WDR70: variants seen among roughly 807,000 people sequenced by gnomAD.
The protein encoded by WDR70 is WD repeat-containing protein 70.
WDR70 carries 53 observed loss-of-function variants against 88.6 expected under a neutral mutation model. The observed-to-expected ratio is 0.60, with a 90% CI of 0.48 to 0.75. WDR70 has a LOEUF of 0.75. Ranked by LOEUF, WDR70 falls within the 30% of genes least tolerant of loss-of-function variation. The probability of loss-of-function intolerance (pLI) is 0.00; values close to 1 mark genes in which losing one functional copy is unlikely to be tolerated. For missense variants in WDR70, 610 were observed against 823.2 expected (o/e 0.74, Z 3.17); for synonymous variants, 280 against 270.0 (o/e 1.04, Z -0.36).
At chr5:37,415,073 A>G (rs868428023) in intron 5 of WDR70, among the ~76,000 whole-genome samples, 3 of 150,690 alleles carry the variant, frequency 2.0e-5, no homozygotes, top group East Asian at 1.9e-4. Context: ...GACACAGCAC[A>G]TGTTTCAGAG....
At chr5:37,687,954 G>T in intron 10 of WDR70, 2 of 691,354 alleles carry the variant, frequency 2.9e-6, no homozygotes, top group Non-Finnish European at 2.6e-6. Context: ...GCATGCTCTG[G>T]GCTCACACTG....
intron 10 of WDR70, among the ~76,000 whole-genome samples, chr5:37,655,710 TC>T (rs949743215): frequency 6.6e-6 from 1 of 151,886 alleles, no homozygotes; most frequent in East Asian, 1.9e-4. Context: ...TGATATCCTT[TC>T]TTCTGCTTGA....
chr5:37,622,595 C>A (rs775146914), intron 10 of WDR70, among the ~76,000 whole-genome samples: 4 of 152,176 alleles, frequency 2.6e-5, no homozygotes, highest in Non-Finnish European at 5.9e-5. Context: ...TTTGTAGGGA[C>A]ATGGATGAAG....
chr5:37,655,408 G>A lies in WDR70; in HGVS notation c.1093-42247G>A, dbSNP rs370911532. Among the ~76,000 whole-genome samples, 53 of 152,076 alleles carry A rather than the reference G, an allele frequency of 3.5e-4. 2 individuals carry two copies. In the South Asian group the frequency reaches 9.4e-3, roughly 27 times the overall value. On this transcript the variant is annotated intron_variant, in intron 10 of 17. Transcript: ENST00000265107. ...TCATTTCAACCTTGGTGAATCTAAC[G>A]ATTATGTGTGTTGGGGTTGCTCTTC...
rs75476023 is a variant in WDR70 at position 37,707,068 on chromosome 5, G to A, written c.1416+3981G>A. On this transcript the variant is annotated intron_variant, in intron 13 of 17. Transcript: ENST00000265107. ...ATTAAATTTTAAGCTTTTCTTAAGAGCCAGTATTTAGGGAAATGTTCTGAA... is the reference window on the plus strand; with the variant it reads ...ATTAAATTTTAAGCTTTTCTTAAGAACCAGTATTTAGGGAAATGTTCTGAA... 7.9e-4 allele frequency among the ~76,000 whole-genome samples: 120 copies of A among 152,200 alleles called. 1 individual carries two copies. Among genetic ancestry groups the A allele is most frequent in the Admixed American group, 6.7e-3 (103 of 15,284 alleles).
chr5:37,660,491 A>G (rs1745672548), intron 10 of WDR70, among the ~76,000 whole-genome samples: 1 of 151,198 alleles, frequency 6.6e-6, no homozygotes, highest in Non-Finnish European at 1.5e-5. Flanking sequence ...CTTATTGGGT[A>G]CATACACATT....
Position 37,392,232 on chromosome 5 carries a change from G to A in WDR70, c.296+112G>A, listed in dbSNP as rs532038579. The A allele has an allele frequency of 1.2e-5, 15 of 1,232,890 alleles. No individual in the cohort carries two copies. In the South Asian group the frequency reaches 2.0e-4, roughly 17 times the overall value. The allele number at this position is 1,232,890 out of a possible 1,614,324, so 76.4% of individuals were successfully genotyped here. ...ATGGAGTCTTGCTCTATCGCCCTCT[G>A]CAGTGCAGTGGCGTGATCTTGGCTG... On this transcript the variant is annotated intron_variant, in intron 4 of 17. Transcript: ENST00000265107.
At chr5:37,595,731 A>T (rs1419752031) in intron 9 of WDR70, among the ~76,000 whole-genome samples, 1 of 152,202 alleles carries the variant, frequency 6.6e-6, no homozygotes, top group Non-Finnish European at 1.5e-5. Flanking sequence ...TTACAAGAAG[A>T]GCTCCTTGAG....
At chr5:37,735,536 T>C (rs1459548818) in intron 17 of WDR70, among the ~76,000 whole-genome samples, 2 of 152,160 alleles carry the variant, frequency 1.3e-5, no homozygotes, top group Non-Finnish European at 2.9e-5. Flanking sequence ...CGCTGCATTT[T>C]GCTATCATCT....
chr5:37,700,443 G>A (rs752429087), intron 11 of WDR70: 3 of 152,276 alleles, frequency 2.0e-5, no homozygotes, highest in African/African-American at 7.2e-5. Flanking sequence ...AACACAAAAA[G>A]TGATTCCTTA....
chr5:37,660,556 G>T (rs1168123076), intron 10 of WDR70, among the ~76,000 whole-genome samples: 1 of 151,166 alleles, frequency 6.6e-6, no homozygotes, highest in Non-Finnish European at 1.5e-5. Flanking sequence ...TACATACCCT[G>T]ACTCCTGGTA....
chr5:37,599,967 AT>A (rs746745492), intron 9 of WDR70, among the ~76,000 whole-genome samples: 263 of 152,236 alleles, frequency 1.7e-3, no homozygotes, highest in Non-Finnish European at 2.9e-3. Flanking sequence ...TAAGTCATAG[AT>A]TTAAGTGTAA....
intron 7 of WDR70, among the ~76,000 whole-genome samples, chr5:37,476,403 T>C (rs928050952): frequency 6.6e-6 from 1 of 152,220 alleles, no homozygotes; most frequent in Non-Finnish European, 1.5e-5. Context: ...AATCCCTGTC[T>C]ATATTCAAAT....
At chr5:37,692,861 G>T (rs551706224) in intron 10 of WDR70, among the ~76,000 whole-genome samples, 1 of 150,850 alleles carries the variant, frequency 6.6e-6, no homozygotes, top group African/African-American at 2.4e-5. Flanking sequence ...GGAAGTTCTG[G>T]GCCAGGGCAA....
intron 5 of WDR70, among the ~76,000 whole-genome samples, chr5:37,419,034 G>A (rs1296851917): frequency 1.4e-5 from 2 of 143,038 alleles, no homozygotes; most frequent in Non-Finnish European, 2.9e-5. Flanking sequence ...AAAGTGCTGG[G>A]ATTACAGGTG....
chr5:37,489,397 G>C (rs1739993781), intron 8 of WDR70, among the ~76,000 whole-genome samples: 1 of 152,152 alleles, frequency 6.6e-6, no homozygotes, highest in African/African-American at 2.4e-5. Flanking sequence ...TGGGCTTCCA[G>C]GTAGCACACA....
At chr5:37,699,505 T>C (rs539384377) in intron 11 of WDR70, among the ~76,000 whole-genome samples, 13 of 152,212 alleles carry the variant, frequency 8.5e-5, no homozygotes, top group East Asian at 5.8e-4. Flanking sequence ...GTATACAATA[T>C]GGCAGATGGA....
chr5:37,493,865 C>G (rs185062558), intron 8 of WDR70, among the ~76,000 whole-genome samples: 128 of 147,850 alleles, frequency 8.7e-4, no homozygotes, highest in Non-Finnish European at 1.4e-3. Context: ...GAGTCTCACT[C>G]TGTCGCGCAG....
intron 10 of WDR70, among the ~76,000 whole-genome samples, chr5:37,651,396 G>A (rs543897024): frequency 4.2e-4 from 64 of 152,260 alleles, no homozygotes; most frequent in African/African-American, 1.5e-3. Context: ...CCAAGTCTTT[G>A]CTATTGTGAA....
Sources: gnomAD v4.1 joint callset for allele counts (sites outside exome capture counted in the v4.1 genomes callset) on GRCh38, gnomAD v4.1.1 for gene constraint, MANE v1.5 for transcripts, NCBI Gene and HGNC (gene_info 2026-07-23, HGNC 2026-07-21) for gene names.